Variants in SPAM1 observed in about 807,000 individuals in gnomAD.
SPAM1 encodes hyaluronidase PH-20.
SPAM1 carries 22 observed loss-of-function variants against 29.6 expected under a neutral mutation model. The observed-to-expected ratio is 0.74, with a 90% confidence interval of 0.53 to 1.06. The LOEUF is 1.06. SPAM1 is among the 50% of genes least tolerant of loss of function. SPAM1 has a pLI of 0.00. For synonymous variants in SPAM1, 194 were observed against 204.6 expected, an observed-to-expected ratio of 0.95 and a Z score of 0.44; for missense variants, 534 against 604.0, an observed-to-expected ratio of 0.88 and a Z score of 1.21.
In SPAM1 at chr7:123,959,606, G is replaced by A; in HGVS notation, c.1167G>A (p.Arg389=). The A allele has an allele frequency of 6.2e-7, 1 of 1,613,212 alleles. No homozygotes were observed. Among genetic ancestry groups the A allele is most frequent in the Non-Finnish European group, 8.5e-7 (1 of 1,179,544 alleles). ...VLCQEQGVCI[R]KNWNSSDYLH... ...GCCAGGAGCAAGGAGTGTGTATAAG[G>A]AAAAACTGGAATTCAAGTGACTATC... The change falls in exon 5 of 5, where the codon AGG becomes AGA. Residue 389 remains arginine, a synonymous_variant. Coordinates refer to ENST00000682466, the MANE Select transcript of SPAM1 (RefSeq NM_153189.3).
At chr7:123,970,608 A>AATAATAATAATAATAATAATAATT (rs376690940) in intron 6 of SPAM1, among the ~76,000 whole-genome samples, 2 of 147,264 alleles carry the variant, frequency 1.4e-5, no homozygotes, top group African/African-American at 5.0e-5. Context: ...TAATAATAAT[A>AATAATAATAATAATAATAATAATT]ATTATTATTA....
rs74611027 is a variant in SPAM1 at position 123,955,637 on chromosome 7, T to C, written c.1044+551T>C. Among the ~76,000 whole-genome samples the C allele has an allele frequency of 4.7e-4, 71 of 152,136 alleles. 2 individuals are homozygous for C. In the East Asian group the frequency reaches 0.014, roughly 29 times the overall value. ...GCGAATAGTCTATACTCTAGTAGTC[T>C]AAGAAAGCCTTTGAGAAGCATTATA... is the stretch of plus-strand genomic sequence containing the variant. On this transcript the variant is annotated intron_variant, in intron 4 of 4. Coordinates refer to ENST00000682466, the MANE Select transcript of SPAM1 (RefSeq NM_153189.3).
rs1808706111 is a variant in SPAM1 at position 123,949,951 on chromosome 7, T to C, written c.-239T>C. On this transcript the variant is annotated 5_prime_UTR_variant, in exon 2 of 5. Transcript: ENST00000682466. ...TGCCTTGATAACTACTGAAGAGACA[T>C]TGGGTGGCTGGATTTTGAAAGCAGA... 1 of 151,812 alleles carries C rather than the reference T, an allele frequency of 6.6e-6. No homozygotes were observed. The highest frequency in any genetic ancestry group is 2.4e-5 in the African/African-American group (1 of 41,308). The allele number at this position is 151,812 out of a possible 1,614,324, so 9.4% of individuals were successfully genotyped here.
chr7:123,959,926 T>C lies in SPAM1; in HGVS notation c.1487T>C (p.Val496Ala). The change falls in exon 5 of 5, where the codon GTT becomes GCT. Residue 496 changes from valine (V) to alanine (A), a missense_variant. By Grantham distance (64) the Val-to-Ala change is moderately conservative (BLOSUM62 0). Transcript: ENST00000682466. The part of the protein sequence containing the change: ...PSTLSATMFI[V>A]SILFLIISSV... ...ACACTATCTGCCACAATGTTCATTG[T>C]TAGTATTTTGTTTCTTATCATTTCT... 1 of 1,611,430 alleles carries C rather than the reference T, an allele frequency of 6.2e-7. No homozygotes were observed. The highest frequency in any genetic ancestry group is 2.2e-5 in the East Asian group (1 of 44,822).
At position 123,959,476 on chromosome 7, in the gene SPAM1, T is replaced by C. The variant is rs981688912; in HGVS notation, c.1045-8T>C. 1.1e-5 allele frequency: 17 copies of C among 1,563,992 alleles called. No homozygotes were observed. Among genetic ancestry groups the C allele is most frequent in the Non-Finnish European group, 1.4e-5 (16 of 1,152,004 alleles). Reference sequence around the variant, plus strand: ...TGATATTCTGACTGTCTTATAATAATTTTACAGAAATCTTGCTTGCTCCTA... The same window carrying C: ...TGATATTCTGACTGTCTTATAATAACTTTACAGAAATCTTGCTTGCTCCTA... On this transcript the variant is annotated splice_polypyrimidine_tract_variant and splice_region_variant and intron_variant, in intron 4 of 4. Transcript: ENST00000682466.
At position 123,970,392 on chromosome 7, in the gene SPAM1, T is replaced by C. The variant is rs888292329; in HGVS notation, c.*48+96T>C. 3.3e-5 allele frequency: 26 copies of C among 784,136 alleles called. No individual in the cohort carries two copies. The East Asian group carries it at 7.3e-4, about 22-fold the overall frequency. 48.6% of individuals were successfully genotyped at this position (784,136 alleles called of 1,614,324 possible). On this transcript the variant is annotated intron_variant, in intron 6 of 6. Transcript: ENST00000340011. ...CCAGTCATGTTGGATTGGAGAATAC[T>C]CTAAAGACCTCATTTTCACTTAATT...
At chr7:123,960,800 G>GA (rs35877000), downstream of SPAM1, among the ~76,000 whole-genome samples, 4 of 150,742 alleles carry the variant, frequency 2.7e-5, no homozygotes, top group Non-Finnish European at 5.9e-5. Flanking sequence ...CATTTTCCGT[G>GA]AAAAAAAAGG....
At chr7:123,970,066 ACTTT>A in intron 5 of SPAM1, 1 of 808,528 alleles carries the variant, frequency 1.2e-6, no homozygotes, top group Non-Finnish European at 1.8e-6. Flanking sequence ...GTCCGGGTTC[ACTTT>A]CTTTACATGG....
chr7:123,936,067 C>T (rs1205357904), intron 1 of SPAM1, among the ~76,000 whole-genome samples: 1 of 152,206 alleles, frequency 6.6e-6, no homozygotes, highest in East Asian at 1.9e-4. Context: ...CTCTGTTGTG[C>T]TTAAAATGAA....
At chr7:123,954,546 G>C (rs1355220582) in intron 3 of SPAM1, 22 bp downstream of exon 3, 1 of 1,445,062 alleles carries the variant, frequency 6.9e-7, no homozygotes, top group Non-Finnish European at 9.4e-7. Flanking sequence ...AGGGTATGAG[G>C]GCTAGGAAAT....
intron 1 of SPAM1, among the ~76,000 whole-genome samples, chr7:123,935,845 A>T (rs923455307): frequency 6.6e-6 from 1 of 152,162 alleles, no homozygotes. Context: ...ATGCAATGAC[A>T]CTCTGGTACT....
chr7:123,961,390 T>C (rs1792356246), downstream of SPAM1, among the ~76,000 whole-genome samples: 1 of 151,974 alleles, frequency 6.6e-6, no homozygotes. Flanking sequence ...TTTTTTTAGC[T>C]CTCACATATG....
intron 1 of SPAM1, among the ~76,000 whole-genome samples, chr7:123,949,649 CAT>C (rs772933742): frequency 2.0e-5 from 3 of 151,744 alleles, no homozygotes; most frequent in Non-Finnish European, 2.9e-5. Context: ...GAATACTACA[CAT>C]GTGAATATCT....
chr7:123,971,285 G>C (rs1792495975), exon 7 of SPAM1: 2 of 152,012 alleles, frequency 1.3e-5, no homozygotes, highest in Non-Finnish European at 2.9e-5. Context: ...CATTTATAAA[G>C]AATTATGCCT....
At chr7:123,950,575 C>T (rs1318452024) in intron 2 of SPAM1, among the ~76,000 whole-genome samples, 1 of 152,070 alleles carries the variant, frequency 6.6e-6, no homozygotes, top group Non-Finnish European at 1.5e-5. Context: ...ATCCATGTTG[C>T]TTCAAAGGGC....
chr7:123,967,472 G>A (rs1001700751), intron 5 of SPAM1, among the ~76,000 whole-genome samples: 1 of 152,000 alleles, frequency 6.6e-6, no homozygotes, highest in Non-Finnish European at 1.5e-5. Flanking sequence ...GGTAGGGTAG[G>A]AAATTAAGTG....
At chr7:123,930,327 T>A (rs1402159961) in intron 1 of SPAM1, among the ~76,000 whole-genome samples, 1 of 152,192 alleles carries the variant, frequency 6.6e-6, no homozygotes, top group Non-Finnish European at 1.5e-5. Context: ...ATTCTAACAG[T>A]AACTCAATCC....
chr7:123,933,294 C>G (rs1017135940), intron 1 of SPAM1, among the ~76,000 whole-genome samples: 1 of 151,958 alleles, frequency 6.6e-6, no homozygotes, highest in Non-Finnish European at 1.5e-5. Context: ...TTGTTCAACT[C>G]CCACTTATAA....
rs961989569 is a variant in SPAM1 at position 123,954,257 on chromosome 7, T to C, written c.687T>C (p.Tyr229=). The C allele has an allele frequency of 8.1e-6, 13 of 1,612,860 alleles. No homozygotes were observed. Among genetic ancestry groups the C allele is most frequent in the African/African-American group, 2.7e-5 (2 of 74,832 alleles). Residue 229 remains tyrosine (Y), a synonymous_variant, in exon 3 of 5, where the codon TAT becomes TAC. Transcript: ENST00000682466. The part of the protein sequence containing the change: ...YLFPDCYNHH[Y]KKPGYNGSCF... ...TTCCGGATTGTTACAACCATCACTA[T>C]AAGAAACCCGGTTACAATGGAAGTT...
Sources: gnomAD v4.1 joint callset for allele counts (sites outside exome capture counted in the v4.1 genomes callset) on GRCh38, gnomAD v4.1.1 for gene constraint, MANE v1.5 for transcripts, NCBI Gene and HGNC (gene_info 2026-07-23, HGNC 2026-07-21) for gene names.